The following ZNF384 variants were observed in gnomAD, a reference collection of about 807,000 sequenced individuals.
ZNF384 encodes the protein zinc finger protein 384, also known as CAG repeat protein 1.
Under a neutral mutation model 65.0 loss-of-function variants are expected in ZNF384, and 20 were observed. That is an observed-to-expected ratio of 0.31 (90% confidence interval 0.22 to 0.45). The LOEUF is 0.45. Among genes scored for constraint, ZNF384 ranks in the 20% least tolerant of loss-of-function variants. ZNF384 has a pLI of 1.00. For missense variants in ZNF384, 549 were observed against 769.4 expected (o/e 0.71, Z 3.39); for synonymous variants, 310 against 303.9 (o/e 1.02, Z -0.21).
At position 6,678,365 on chromosome 12, in the gene ZNF384, C is replaced by G; in HGVS notation, c.448G>C (p.Ala150Pro). The change falls in exon 6 of 12, where the codon GCT becomes CCT. Residue 150 changes from alanine (A) to proline (P), a missense_variant. Around this residue, in one of 5 missense-constraint regions of ZNF384, gnomAD observed 277 missense variants for 337.2 expected, o/e 0.82. Transcript: ENST00000683879. The surrounding 1 kb of genome is among the most constrained non-coding windows in gnomAD (Gnocchi z 4.9). ...AGGGCTTGTGAGCCAGGGGGAAGAG[C>G]TGAGACAATCATGGGAGCCGAAATG... ...FPISAPMIVS[A>P]LPPGSQALQV... The G allele has an allele frequency of 6.2e-7, 1 of 1,613,982 alleles. No individual in the cohort carries two copies. The highest frequency in any genetic ancestry group is 1.1e-5 in the South Asian group (1 of 91,060).
intron 9 of ZNF384, chr12:6,671,444 G>C (rs969751136): frequency 9.2e-5 from 14 of 152,448 alleles, no homozygotes; most frequent in African/African-American, 3.1e-4. Context: ...GCTAAGATGA[G>C]CCAAGGACTT....
intron 2 of ZNF384, among the ~76,000 whole-genome samples, chr12:6,687,318 C>A (rs1958281107): frequency 6.6e-6 from 1 of 152,204 alleles, no homozygotes; most frequent in Non-Finnish European, 1.5e-5. Flanking sequence ...GACCACTTTA[C>A]CCTGCATCCT....
At chr12:6,668,713 G>GA (rs1201085098) in intron 11 of ZNF384, among the ~76,000 whole-genome samples, 2,879 of 73,350 alleles carry the variant, frequency 0.039, 62 homozygotes, top group African/African-American at 0.1. Context: ...GTCTCAAAAA[G>GA]AAAAAAAAAA....
intron 7 of ZNF384, among the ~76,000 whole-genome samples, chr12:6,676,587 T>C (rs1953683380): frequency 6.6e-6 from 1 of 152,228 alleles, no homozygotes; most frequent in Non-Finnish European, 1.5e-5. Context: ...CCTGATCCAT[T>C]AGAAGGGCTC....
At chr12:6,681,935 A>G (rs1250092128) in intron 2 of ZNF384, among the ~76,000 whole-genome samples, 1 of 152,160 alleles carries the variant, frequency 6.6e-6, no homozygotes, top group Non-Finnish European at 1.5e-5. Flanking sequence ...GTTATAAAAC[A>G]CAATAAAACT....
Position 6,667,538 on chromosome 12 carries a change from T to C in ZNF384, c.*176A>G. 1.1e-6 allele frequency: 1 copy of C among 870,144 alleles called. No individual in the cohort carries two copies. The highest frequency in any genetic ancestry group is 1.9e-6 in the Non-Finnish European group (1 of 525,644). The allele number at this position is 870,144 out of a possible 1,614,324, so 53.9% of individuals were successfully genotyped here. A position where few individuals can be genotyped will look rare whatever the true frequency, so the allele number is the denominator to read the frequency against. On this transcript the variant is annotated 3_prime_UTR_variant, in exon 12 of 12. Coordinates refer to ENST00000683879, the MANE Select transcript of ZNF384 (RefSeq NM_001385745.1). ...TTGCAATCAGGAGGGCTGATGTTCC[T>C]TTTGAAGAAGAGTTCAGAAAAAGGA...
At chr12:6,674,649 T>G (rs1289079775) in intron 7 of ZNF384, among the ~76,000 whole-genome samples, 1 of 152,210 alleles carries the variant, frequency 6.6e-6, no homozygotes, top group African/African-American at 2.4e-5. Context: ...CTGTTTATAG[T>G]GAGCATAATC....
In ZNF384 at chr12:6,677,199, G is replaced by A. The variant is rs1437923906; in HGVS notation, c.747C>T (p.Pro249=). 5 of 1,246,204 alleles carry A rather than the reference G, an allele frequency of 4.0e-6. 1 individual carries two copies. The highest frequency in any genetic ancestry group is 2.5e-5 in the South Asian group (2 of 79,562). 77.2% of individuals were successfully genotyped at this position (1,246,204 alleles called of 1,614,324 possible). Reference sequence around the variant, plus strand: ...CACACAGCAAATTCGTGGTGGAGCCGGGAACTGAATCCATGAGCCCAAGGC... The same window carrying A: ...CACACAGCAAATTCGTGGTGGAGCCAGGAACTGAATCCATGAGCCCAAGGC... ...GQSLGLMDSV[P]GSTTNLLCDP... The change falls in exon 7 of 12, where the codon CCC becomes CCT. Residue 249 remains proline (P), a synonymous_variant. Coordinates refer to ENST00000683879, the MANE Select transcript of ZNF384 (RefSeq NM_001385745.1).
At position 6,672,765 on chromosome 12, in the gene ZNF384, A is replaced by G. The variant is rs1592373270; in HGVS notation, c.1005-233T>C. Among the ~76,000 whole-genome samples, 2 of 152,150 alleles carry G rather than the reference A, an allele frequency of 1.3e-5. No homozygotes were observed. Among genetic ancestry groups the G allele is most frequent in the Non-Finnish European group, 2.9e-5 (2 of 68,018 alleles). ...GTGAGATGATGAAGAGCTGCAACCC[A>G]TGGCTCCTGGTAACCTTAAAGTAGT... On this transcript the variant is annotated intron_variant, in intron 8 of 11. Coordinates refer to ENST00000683879, the MANE Select transcript of ZNF384 (RefSeq NM_001385745.1). This position sits in a 1 kb window ranked among gnomAD's most constrained non-coding sequence, Gnocchi z 4.4.
In ZNF384 at chr12:6,669,086, G is replaced by A; in HGVS notation, c.1370C>T (p.Thr457Ile). The A allele has an allele frequency of 6.2e-7, 1 of 1,613,970 alleles. No homozygotes were observed. Among genetic ancestry groups the A allele is most frequent in the Non-Finnish European group, 8.5e-7 (1 of 1,179,902 alleles). Residue 457 changes from threonine to isoleucine, a missense_variant, in exon 11 of 12, where the codon ACA becomes ATA. Transcript: ENST00000683879. ...ASLEVHLSTH[T>I]VKHAKVYTCT... ...GGTGTACACCTTGGCATGCTTCACT[G>A]TGTGCGTAGACAGGTGCACCTCTAG...
At chr12:6,676,207 C>T (rs138631459) in intron 7 of ZNF384, among the ~76,000 whole-genome samples, 10 of 152,020 alleles carry the variant, frequency 6.6e-5, no homozygotes, top group Admixed American at 3.3e-4. Flanking sequence ...GGCTGAGGCA[C>T]GAGAATCGCT....
chr12:6,674,565 T>G (rs1441231211), intron 7 of ZNF384, among the ~76,000 whole-genome samples: 1 of 152,194 alleles, frequency 6.6e-6, no homozygotes, highest in East Asian at 1.9e-4. Context: ...TCAGGAGAAT[T>G]TTTTAGTTAC....
At chr12:6,687,711 TCACTCCACAGACCCACTTCTAA>T (rs1958465925) in intron 2 of ZNF384, among the ~76,000 whole-genome samples, 2 of 152,118 alleles carry the variant, frequency 1.3e-5, no homozygotes, top group Admixed American at 6.5e-5. Flanking sequence ...CAGATTCTAA[TCACTCCACAGACCCACTTCTAA>T]CACTCCACTG....
At chr12:6,682,575 G>T (rs1956434017) in intron 2 of ZNF384, among the ~76,000 whole-genome samples, 1 of 152,110 alleles carries the variant, frequency 6.6e-6, no homozygotes, top group Non-Finnish European at 1.5e-5. Context: ...TTAAGCCCGA[G>T]AGGCAGAGGC....
rs963232705 is a variant in ZNF384 at position 6,666,812 on chromosome 12, T to G, written c.*902A>C. ...GGCCGTGATGAGTGAGTATAATATA[T>G]TTATATATATATATTTATATATAAA... On this transcript the variant is annotated 3_prime_UTR_variant, in exon 12 of 12. Transcript: ENST00000683879. 5.9e-6 allele frequency: 1 copy of G among 169,334 alleles called. No homozygotes were observed. Among genetic ancestry groups the G allele is most frequent in the African/African-American group, 2.4e-5 (1 of 41,718 alleles). The allele number at this position is 169,334 out of a possible 1,614,324, so 10.5% of individuals were successfully genotyped here. A position where few individuals can be genotyped will look rare whatever the true frequency, so the allele number is the denominator to read the frequency against.
chr12:6,666,926 GT>G lies in ZNF384; in HGVS notation c.*787del. 5.0e-6 allele frequency: 1 copy of G among 201,580 alleles called. No individual in the cohort carries two copies. The highest frequency in any genetic ancestry group is 1.0e-5 in the Non-Finnish European group (1 of 98,346). The allele number at this position is 201,580 out of a possible 1,614,324, so 12.5% of individuals were successfully genotyped here. ...ACTCTCCCTTCTCCGCAACACCCCT[GT>G]TTTGGAGTTTCACAGATAACACAAA... On this transcript the variant is annotated 3_prime_UTR_variant, in exon 12 of 12. Transcript: ENST00000683879.
chr12:6,673,022 T>C lies in ZNF384; in HGVS notation c.1004+194A>G, dbSNP rs1464885173. On this transcript the variant is annotated intron_variant, in intron 8 of 11. Coordinates refer to ENST00000683879, the MANE Select transcript of ZNF384 (RefSeq NM_001385745.1). The surrounding 1 kb of genome is among the most constrained non-coding windows in gnomAD (Gnocchi z 4.7). ...ACAAAAATTGTTCCAGACTTTGGAA[T>C]TGGAGACCACAATTTTCAAGGCCCC... 9 of 605,368 alleles carry C rather than the reference T, an allele frequency of 1.5e-5. No individual in the cohort carries two copies. The highest frequency in any genetic ancestry group is 1.1e-4 in the South Asian group (5 of 47,504). 37.5% of individuals were successfully genotyped at this position (605,368 alleles called of 1,614,324 possible). A position where few individuals can be genotyped will look rare whatever the true frequency, so the allele number is the denominator to read the frequency against.
rs769599116 is a variant in ZNF384 at position 6,667,864 on chromosome 12, G to A, written c.1677C>T (p.Pro559=). ...TGCTGTCCCCACCACCCCCACCCTG[G>A]GGGGCTGCCCCAGGAGACTGGAAGT... ...PPHFQSPGAA[P]QGGGGGDSNP... is the part of the protein sequence containing the mutation. Residue 559 remains proline (P), a synonymous_variant, in exon 12 of 12, where the codon CCC becomes CCT. Transcript: ENST00000683879. 1.9e-6 allele frequency: 3 copies of A among 1,614,088 alleles called. No individual in the cohort carries two copies. The highest frequency in any genetic ancestry group is 2.5e-6 in the Non-Finnish European group (3 of 1,180,004).
rs61762992 is a variant in ZNF384 at position 6,673,236 on chromosome 12, G to C, written c.984C>G (p.Ser328=). The C allele has an allele frequency of 7.3e-4, 1,175 of 1,614,124 alleles. 3 individuals are homozygous for C. Among genetic ancestry groups the C allele is most frequent in the Non-Finnish European group, 8.6e-4 (1,016 of 1,180,012 alleles). The change falls in exon 8 of 12, where the codon TCC becomes TCG. Residue 328 remains serine, a synonymous_variant. Transcript: ENST00000683879. This position sits in a 1 kb window ranked among gnomAD's most constrained non-coding sequence, Gnocchi z 4.7. ...NFCEKSFRQL[S]HLQQHTRIHS... Reference sequence around the variant, plus strand: ...CTTACCGGGTGTGCTGCTGAAGGTGGGAGAGCTGGCGGAAGGATTTCTCAC... The same window carrying C: ...CTTACCGGGTGTGCTGCTGAAGGTGCGAGAGCTGGCGGAAGGATTTCTCAC...
Sources: gnomAD v4.1 joint callset for allele counts (sites outside exome capture counted in the v4.1 genomes callset) on GRCh38, gnomAD v4.1.1 for gene constraint, gnomAD v4.1.1 regional missense constraint, Gnocchi (gnomAD v3.1) non-coding constraint, MANE v1.5 for transcripts, NCBI Gene and HGNC (gene_info 2026-07-23, HGNC 2026-07-21) for gene names.